EDC3: variants seen among roughly 807,000 people sequenced by gnomAD.
EDC3 encodes the protein enhancer of mRNA-decapping protein 3.
Under a neutral mutation model 41.8 loss-of-function variants are expected in EDC3, and 20 were observed. The observed-to-expected ratio is 0.48, with a 90% CI of 0.34 to 0.70. The LOEUF is 0.70. EDC3 is among the 30% of genes least tolerant of loss of function. The pLI, the probability that EDC3 is intolerant of heterozygous loss-of-function variation, is 0.01. For synonymous variants in EDC3, 206 were observed against 243.2 expected (o/e 0.85, Z 1.42); for missense variants, 444 against 636.8 (o/e 0.70, Z 3.26).
chr15:74,657,357 A>G (rs1250220803), intron 3 of EDC3, among the ~76,000 whole-genome samples: 1 of 152,168 alleles, frequency 6.6e-6, no homozygotes, highest in East Asian at 1.9e-4. Flanking sequence ...TCCCTCCCAC[A>G]ATGGGTAGAA....
At chr15:74,687,898 G>T (rs1219967202) in intron 1 of EDC3, among the ~76,000 whole-genome samples, 1 of 152,068 alleles carries the variant, frequency 6.6e-6, no homozygotes, top group African/African-American at 2.4e-5. Context: ...ATATGAAAAG[G>T]CTTTTACTGT....
chr15:74,673,837 CAAAAAAAA>C (rs748537794), intron 2 of EDC3, among the ~76,000 whole-genome samples: 1 of 47,224 alleles, frequency 2.1e-5, no homozygotes, highest in Admixed American at 2.3e-4. Context: ...GAGACTCCAT[CAAAAAAAA>C]AAAAAAAAAA....
chr15:74,656,843 T>C (rs968199234), intron 3 of EDC3, among the ~76,000 whole-genome samples: 19 of 152,156 alleles, frequency 1.2e-4, no homozygotes, highest in Admixed American at 1.2e-3. Flanking sequence ...CAGCTGGATG[T>C]TGGAGACTAT....
chr15:74,690,358 C>T (rs181471225), intron 1 of EDC3, among the ~76,000 whole-genome samples: 10 of 152,224 alleles, frequency 6.6e-5, no homozygotes, highest in Admixed American at 3.3e-4. Flanking sequence ...ATAACAAAGT[C>T]AGGTAGCGCT....
intron 3 of EDC3, among the ~76,000 whole-genome samples, chr15:74,669,594 A>C (rs906493740): frequency 6.6e-6 from 1 of 152,150 alleles, no homozygotes; most frequent in Non-Finnish European, 1.5e-5. Flanking sequence ...TTGGCCCCTG[A>C]CACAGGTGTC....
intron 1 of EDC3, among the ~76,000 whole-genome samples, chr15:74,688,692 G>A (rs912425806): frequency 6.6e-6 from 1 of 152,094 alleles, no homozygotes; most frequent in African/African-American, 2.4e-5. Context: ...GATCACTTGA[G>A]GTCAAGAGTT....
At chr15:74,645,706 T>TA (rs1332055652) in intron 4 of EDC3, among the ~76,000 whole-genome samples, 6 of 131,462 alleles carry the variant, frequency 4.6e-5, no homozygotes, top group Non-Finnish European at 9.8e-5. Context: ...CTATCTCTAC[T>TA]AAAAATACAA....
In EDC3 at chr15:74,675,088, T is replaced by A. The variant is rs745624025; in HGVS notation, c.37A>T (p.Asn13Tyr). The change falls in exon 2 of 7, where the codon AAT (asparagine) becomes TAT (tyrosine). Residue 13 changes from asparagine (N) to tyrosine (Y), a missense_variant. Asn to Tyr is a moderately radical substitution (Grantham distance 143). Around this residue, in one of 3 missense-constraint regions of EDC3, gnomAD observed 200 missense variants for 244.0 expected, o/e 0.82. Coordinates refer to ENST00000315127, the MANE Select transcript of EDC3 (RefSeq NM_025083.5). ...TDWLGSIVSINCGDSLGVYQG... is the reference protein window; with the variant it reads ...TDWLGSIVSIYCGDSLGVYQG... ...TAGACACCCAAGCTATCTCCACAATTGATGGACACAATACTTCCCAGCCAA... is the reference window on the plus strand; with the variant it reads ...TAGACACCCAAGCTATCTCCACAATAGATGGACACAATACTTCCCAGCCAA... 6.2e-7 allele frequency: 1 copy of A among 1,613,758 alleles called. No individual in the cohort carries two copies. The highest frequency in any genetic ancestry group is 1.1e-5 in the South Asian group (1 of 91,078).
chr15:74,681,835 G>A (rs191616247), intron 1 of EDC3, among the ~76,000 whole-genome samples: 134 of 152,108 alleles, frequency 8.8e-4, no homozygotes, highest in African/African-American at 3.1e-3. Context: ...CAAGATCTAG[G>A]GCTAGGCAAA....
chr15:74,633,122 C>G (rs1161499285), intron 6 of EDC3, among the ~76,000 whole-genome samples, 176 bp from the exon 7 acceptor site: 3 of 152,230 alleles, frequency 2.0e-5, no homozygotes, highest in African/African-American at 7.2e-5. Flanking sequence ...GAGTTGCAAG[C>G]TGGCTGGGCT....
At chr15:74,683,686 A>C (rs2062901130) in intron 1 of EDC3, among the ~76,000 whole-genome samples, 1 of 152,196 alleles carries the variant, frequency 6.6e-6, no homozygotes, top group African/African-American at 2.4e-5. Context: ...ATTTCTTACA[A>C]TGGCATGTGA....
intron 1 of EDC3, among the ~76,000 whole-genome samples, chr15:74,677,457 C>T (rs115549502): frequency 1.9e-4 from 28 of 150,994 alleles, no homozygotes; most frequent in African/African-American, 5.8e-4. Context: ...CAGCCTCTGC[C>T]TCTTCAATCA....
At chr15:74,648,585 T>C (rs2062443732) in intron 4 of EDC3, among the ~76,000 whole-genome samples, 1 of 152,164 alleles carries the variant, frequency 6.6e-6, no homozygotes. Context: ...GAAATGAGTA[T>C]TGGTAAAAGG....
chr15:74,632,508 A>G lies in EDC3; in HGVS notation c.*104T>C. 7.4e-7 allele frequency: 1 copy of G among 1,359,806 alleles called. No homozygotes were observed. Among genetic ancestry groups the G allele is most frequent in the Non-Finnish European group, 1.0e-6 (1 of 998,440 alleles). The allele number at this position is 1,359,806 out of a possible 1,614,324, so 84.2% of individuals were successfully genotyped here. ...GTTCTCTCACAGAAGAAACAAACCC[A>G]AAAGAGAAAAAACTTTAACAAGGTC... On this transcript the variant is annotated 3_prime_UTR_variant, in exon 7 of 7. Coordinates refer to ENST00000315127, the MANE Select transcript of EDC3 (RefSeq NM_025083.5). This position sits in a 1 kb window ranked among gnomAD's most constrained non-coding sequence, Gnocchi z 4.0.
chr15:74,665,872 A>G (rs917319827), intron 3 of EDC3, among the ~76,000 whole-genome samples: 2 of 146,810 alleles, frequency 1.4e-5, no homozygotes, highest in Non-Finnish European at 3.0e-5. Context: ...ATCTCAGCTC[A>G]CTGCAACCTC....
chr15:74,642,251 G>A (rs2062361697), intron 4 of EDC3: 1 of 152,206 alleles, frequency 6.6e-6, no homozygotes, highest in Non-Finnish European at 1.5e-5. Flanking sequence ...ACACTATCCT[G>A]TTGGCTAACT....
rs543338718 is a variant in EDC3, at chr15:74,630,793, G to A, written c.*1819C>T. 6.6e-6 allele frequency: 1 copy of A among 152,456 alleles called. No homozygotes were observed. Among genetic ancestry groups the A allele is most frequent in the African/African-American group, 2.4e-5 (1 of 41,560 alleles). The allele number at this position is 152,456 out of a possible 1,614,324, so 9.4% of individuals were successfully genotyped here. ...CAGTGCCCCCTGGGGAGAGAAGAGG[G>A]AGAAGCTTGGGCACAAACTCCCAGT... On this transcript the variant is annotated 3_prime_UTR_variant, in exon 7 of 7. Transcript: ENST00000315127.
chr15:74,634,832 C>G (rs2062251984), intron 6 of EDC3, among the ~76,000 whole-genome samples: 1 of 152,216 alleles, frequency 6.6e-6, no homozygotes, highest in African/African-American at 2.4e-5. Flanking sequence ...TACTCTCAAA[C>G]AGCACCCAGA....
At chr15:74,695,157 A>G (rs2063050934) in intron 1 of EDC3, among the ~76,000 whole-genome samples, 1 of 152,150 alleles carries the variant, frequency 6.6e-6, no homozygotes, top group Admixed American at 6.5e-5. Flanking sequence ...ACAGGAGAAG[A>G]CTGTTGGCTT....
Sources: allele counts gnomAD v4.1 joint callset (sites outside exome capture counted in the v4.1 genomes callset), GRCh38; gene constraint gnomAD v4.1.1; regional missense constraint gnomAD v4.1.1; non-coding constraint Gnocchi (gnomAD v3.1); transcripts MANE v1.5; gene names NCBI Gene and HGNC (gene_info 2026-07-23, HGNC 2026-07-21).